GRIP1: variants seen among roughly 807,000 people sequenced by gnomAD.
GRIP1 encodes glutamate receptor-interacting protein 1.
GRIP1 carries 45 observed loss-of-function variants against 129.9 expected under a neutral mutation model. The ratio of observed to expected loss-of-function variants is 0.35; its 90% CI spans 0.27 to 0.44. GRIP1 has a LOEUF of 0.44. Ranked by LOEUF, GRIP1 falls within the 20% of genes least tolerant of loss-of-function variation. GRIP1 has a pLI of 1.00. For synonymous variants in GRIP1, 530 were observed against 520.8 expected, an observed-to-expected ratio of 1.02 and a Z score of -0.24; for missense variants, 1,196 against 1,396.8, an observed-to-expected ratio of 0.86 and a Z score of 2.29.
chr12:66,994,757 T>C (rs1246242855), intron 1 of GRIP1, among the ~76,000 whole-genome samples: 1 of 152,066 alleles, frequency 6.6e-6, no homozygotes, highest in Non-Finnish European at 1.5e-5. Flanking sequence ...ATTGTTAAGA[T>C]GGTAGTAGTC....
intron 23 of GRIP1, among the ~76,000 whole-genome samples, chr12:66,357,028 C>G (rs2054522011): frequency 6.6e-6 from 1 of 152,104 alleles, no homozygotes; most frequent in Admixed American, 6.6e-5. Context: ...AGGCATGAGC[C>G]ACCACATCTA....
At chr12:67,053,022 G>C (rs985128206) in intron 1 of GRIP1, among the ~76,000 whole-genome samples, 1 of 152,050 alleles carries the variant, frequency 6.6e-6, no homozygotes, top group Non-Finnish European at 1.5e-5. Flanking sequence ...AATTATATCA[G>C]TGAATATTCA....
chr12:66,444,099 C>T lies in GRIP1; in HGVS notation c.1687+485G>A, dbSNP rs139981372. Among the ~76,000 whole-genome samples the T allele has an allele frequency of 9.7e-3, 1,477 of 152,258 alleles. 14 individuals carry two copies. Among genetic ancestry groups the T allele is most frequent in the Non-Finnish European group, 0.016 (1,107 of 68,004 alleles). On this transcript the variant is annotated intron_variant, in intron 13 of 24. Coordinates refer to ENST00000359742, the MANE Select transcript of GRIP1 (RefSeq NM_001366722.1). ...TTTGTCACATTTATTTTCAGTTGTT[C>T]TTGTGGTGACATTTTAAGGAATAAT...
At chr12:66,895,669 A>G (rs2040735498) in intron 1 of GRIP1, among the ~76,000 whole-genome samples, 1 of 152,174 alleles carries the variant, frequency 6.6e-6, no homozygotes, top group Admixed American at 6.5e-5. Context: ...TGCCTTATTC[A>G]AGAATTTCTC....
intron 1 of GRIP1, among the ~76,000 whole-genome samples, chr12:67,003,593 T>G (rs1003201445): frequency 1.3e-5 from 2 of 152,036 alleles, no homozygotes; most frequent in Non-Finnish European, 2.9e-5. Context: ...CTCGGGAGGC[T>G]GAGGCAGGAG....
chr12:66,564,161 T>C (rs1212317468), intron 2 of GRIP1: 8 of 153,088 alleles, frequency 5.2e-5, no homozygotes, highest in African/African-American at 1.7e-4. Flanking sequence ...AGTTCTAGGG[T>C]ACATGTGCAC....
intron 1 of GRIP1, among the ~76,000 whole-genome samples, chr12:66,930,073 G>A (rs904400593): frequency 9.7e-5 from 12 of 123,264 alleles, no homozygotes; most frequent in African/African-American, 2.5e-4. Context: ...TTTTTTTTAC[G>A]TCAATGCATA....
chr12:66,748,999 C>G (rs1011580734), intron 1 of GRIP1, among the ~76,000 whole-genome samples: 2 of 152,140 alleles, frequency 1.3e-5, no homozygotes, highest in Non-Finnish European at 2.9e-5. Context: ...GGATAATGCA[C>G]AGCAGACACT....
chr12:66,366,591 A>G (rs2055159701), intron 23 of GRIP1, among the ~76,000 whole-genome samples: 1 of 152,252 alleles, frequency 6.6e-6, no homozygotes, highest in African/African-American at 2.4e-5. Context: ...TTTCTGTAAG[A>G]AGATAAAAAT....
rs1028364074 is a variant in GRIP1, at chr12:66,352,711, ACT to A, written c.3159+704_3159+705del. Among the ~76,000 whole-genome samples the A allele has an allele frequency of 2.2e-5, 3 of 135,750 alleles. No individual in the cohort carries two copies. In the Admixed American group the frequency reaches 2.3e-4, roughly 10 times the overall value. 89.1% of individuals were successfully genotyped at this position (135,750 alleles called of 152,430 possible). A position where few individuals can be genotyped will look rare whatever the true frequency, so the allele number is the denominator to read the frequency against. Reference sequence around the variant, plus strand: ...TCGTGCCACTGCACTCCAGCCTGAGACTCTGTCTCAAAAAAAAAAAAAAAAGG... The same window carrying A: ...TCGTGCCACTGCACTCCAGCCTGAGACTGTCTCAAAAAAAAAAAAAAAAGG... On this transcript the variant is annotated intron_variant, in intron 24 of 24. Coordinates refer to ENST00000359742, the MANE Select transcript of GRIP1 (RefSeq NM_001366722.1).
At chr12:66,556,638 C>T (rs1013147929) in intron 2 of GRIP1, among the ~76,000 whole-genome samples, 1 of 148,368 alleles carries the variant, frequency 6.7e-6, no homozygotes, top group Non-Finnish European at 1.5e-5. Context: ...TATGATAAAA[C>T]ATTAAAAAAA....
intron 1 of GRIP1, among the ~76,000 whole-genome samples, chr12:66,992,190 G>A (rs921265904): frequency 6.6e-6 from 1 of 152,130 alleles, no homozygotes; most frequent in Non-Finnish European, 1.5e-5. Flanking sequence ...GTCAAAATTT[G>A]TGAATCTCCT....
At chr12:66,947,994 G>A (rs186898744) in intron 1 of GRIP1, among the ~76,000 whole-genome samples, 73 of 152,180 alleles carry the variant, frequency 4.8e-4, no homozygotes, top group Admixed American at 1.0e-3. Context: ...GCAGGACCTC[G>A]CTGCTTATCA....
chr12:66,839,598 T>C (rs1042294326), intron 1 of GRIP1, among the ~76,000 whole-genome samples: 3 of 152,054 alleles, frequency 2.0e-5, no homozygotes, highest in Non-Finnish European at 1.5e-5. Context: ...CTGTGTAGCA[T>C]GAAAAACAAT....
chr12:67,004,735 A>AG (rs1162050983), intron 1 of GRIP1, among the ~76,000 whole-genome samples: 23 of 152,198 alleles, frequency 1.5e-4, no homozygotes, highest in Non-Finnish European at 3.1e-4. Flanking sequence ...AGCAAAACCC[A>AG]TTACAAATAA....
rs377671350 is a variant in GRIP1, at chr12:66,578,120, G to A, written c.136+18727C>T. On this transcript the variant is annotated intron_variant, in intron 2 of 24. Transcript: ENST00000359742. ...TTCAATAAAAATATAAAATATTCTGGGACAGGCATGGTGGCTCAGGCCTGT... is the reference window on the plus strand; with the variant it reads ...TTCAATAAAAATATAAAATATTCTGAGACAGGCATGGTGGCTCAGGCCTGT... Among the ~76,000 whole-genome samples, 110 of 152,070 alleles carry A rather than the reference G, an allele frequency of 7.2e-4. 1 individual carries two copies. The highest frequency in any genetic ancestry group is 2.5e-3 in the African/African-American group (103 of 41,500).
intron 1 of GRIP1, among the ~76,000 whole-genome samples, chr12:67,001,566 T>C (rs1411118495): frequency 6.6e-6 from 1 of 152,194 alleles, no homozygotes; most frequent in African/African-American, 2.4e-5. Context: ...CCAAACATAA[T>C]AATCAGGATA....
intron 1 of GRIP1, among the ~76,000 whole-genome samples, chr12:66,737,270 ACCCTCTATCTCTTTCTC>A (rs920524230): frequency 4.6e-5 from 7 of 151,724 alleles, no homozygotes; most frequent in African/African-American, 1.7e-4. Flanking sequence ...TTTCCAGGCT[ACCCTCTATCTCTTTCTC>A]CTTTTTTCAA....
chr12:66,570,597 T>C (rs2062927782), intron 2 of GRIP1, among the ~76,000 whole-genome samples: 1 of 152,162 alleles, frequency 6.6e-6, no homozygotes, highest in Non-Finnish European at 1.5e-5. Context: ...TTTCTAGCTT[T>C]AGCATTCTCT....
Sources: gnomAD v4.1 joint callset for allele counts (sites outside exome capture counted in the v4.1 genomes callset) on GRCh38, gnomAD v4.1.1 for gene constraint, MANE v1.5 for transcripts, NCBI Gene and HGNC (gene_info 2026-07-23, HGNC 2026-07-21) for gene names.